MYO16: variants seen among roughly 807,000 people sequenced by gnomAD.
MYO16 encodes the protein myosin XVI.
A neutral mutation model predicts 205.3 loss-of-function variants in MYO16; 94 were observed. That is an observed-to-expected ratio of 0.46 (90% CI 0.39 to 0.54). The LOEUF is 0.54. Ranked by LOEUF, MYO16 falls within the 20% of genes least tolerant of loss-of-function variation. MYO16 has a pLI of 0.00. For missense variants in MYO16, 2,315 were observed against 2,387.5 expected (o/e 0.97, Z 0.63); for synonymous variants, 988 against 954.0 (o/e 1.04, Z -0.66).
chr13:109,133,043 G>A (rs1400319691), intron 31 of MYO16, among the ~76,000 whole-genome samples: 3 of 152,182 alleles, frequency 2.0e-5, no homozygotes, highest in Non-Finnish European at 4.4e-5. Flanking sequence ...AAAGATGGGG[G>A]CATGGAAGGC....
At chr13:108,882,309 T>C (rs1879653894) in intron 12 of MYO16, among the ~76,000 whole-genome samples, 1 of 152,200 alleles carries the variant, frequency 6.6e-6, no homozygotes, top group Non-Finnish European at 1.5e-5. Flanking sequence ...AGCTAGAGAT[T>C]CAGGCCAGCG....
the MYO16 span, among the ~76,000 whole-genome samples, chr13:108,504,279 G>T: frequency 6.6e-6 from 1 of 151,854 alleles, no homozygotes; most frequent in Admixed American, 6.6e-5. Context: ...ATGCTACCAT[G>T]CCCAGCTAAT....
chr13:109,191,440 A>G (rs186155976), intron 34 of MYO16, among the ~76,000 whole-genome samples: 49 of 152,272 alleles, frequency 3.2e-4, no homozygotes, highest in African/African-American at 1.0e-3. Context: ...GAAAAAAGAA[A>G]ACGTTCAACA....
At chr13:109,138,811 A>T (rs1282265287) in intron 31 of MYO16, among the ~76,000 whole-genome samples, 7 of 151,658 alleles carry the variant, frequency 4.6e-5, no homozygotes, top group Admixed American at 6.6e-5. Flanking sequence ...AATTTAATTT[A>T]ATTTATTTAT....
At position 108,785,648 on chromosome 13, in the gene MYO16, TC is replaced by T; in HGVS notation, c.523del (p.Leu175PhefsTer5). On this transcript the variant is annotated frameshift_variant, in exon 5 of 35. Transcript: ENST00000457511. LOFTEE classifies it high-confidence loss of function. The part of the protein sequence containing the change: ...VLLLVLAGAN[V>X]LLQDVNGNIP... ...CTTTTTATCTAGGCTGGAGCCAATGTCCTTCTCCAGGATGTGAATGGAAATA... is the reference window on the plus strand; with the variant it reads ...CTTTTTATCTAGGCTGGAGCCAATGTCTTCTCCAGGATGTGAATGGAAATA... 1 of 1,609,364 alleles carries T rather than the reference TC, an allele frequency of 6.2e-7. No homozygotes were observed. The highest frequency in any genetic ancestry group is 8.5e-7 in the Non-Finnish European group (1 of 1,178,092).
At chr13:109,145,523 T>G (rs1216313015) in intron 32 of MYO16, among the ~76,000 whole-genome samples, 1 of 152,234 alleles carries the variant, frequency 6.6e-6, no homozygotes. Context: ...TGGGATACAG[T>G]GTCTAGGCTA....
At chr13:108,654,561 A>G (rs1005324437) in intron 1 of MYO16, among the ~76,000 whole-genome samples, 1 of 152,210 alleles carries the variant, frequency 6.6e-6, no homozygotes, top group Non-Finnish European at 1.5e-5. Flanking sequence ...TGGTATCAGT[A>G]GAGTGGGGTG....
the MYO16 span, among the ~76,000 whole-genome samples, chr13:108,584,548 C>T: frequency 6.6e-6 from 1 of 152,046 alleles, no homozygotes; most frequent in African/African-American, 2.4e-5. Context: ...CCCTACTGTG[C>T]TATAGAACAC....
rs922801200 is a variant in MYO16 at position 109,055,303 on chromosome 13, C to A, written c.3130-87C>A. The A allele has an allele frequency of 8.7e-7, 1 of 1,144,070 alleles. No homozygotes were observed. Among genetic ancestry groups the A allele is most frequent in the Non-Finnish European group, 1.2e-6 (1 of 800,192 alleles). The allele number at this position is 1,144,070 out of a possible 1,614,324, so 70.9% of individuals were successfully genotyped here. ...GTAAATGCATAATGAGATTTAAAGA[C>A]GTAAAGACTTTTTATTTAAAAACTG... On this transcript the variant is annotated intron_variant, in intron 26 of 34. Transcript: ENST00000457511. This position sits in a 1 kb window ranked among gnomAD's most constrained non-coding sequence, Gnocchi z 5.0.
At chr13:108,558,168 G>A in the MYO16 span, among the ~76,000 whole-genome samples, 12 of 152,176 alleles carry the variant, frequency 7.9e-5, no homozygotes, top group Non-Finnish European at 1.2e-4. Context: ...AGATAAAGGT[G>A]CCAGAGCTTC....
At chr13:108,983,804 T>C (rs1884534168) in intron 20 of MYO16, among the ~76,000 whole-genome samples, 1 of 152,150 alleles carries the variant, frequency 6.6e-6, no homozygotes, top group Non-Finnish European at 1.5e-5. Context: ...AATTGACAGG[T>C]TGAAATTGTG....
At chr13:108,721,241 C>G (rs114213218) in intron 3 of MYO16, among the ~76,000 whole-genome samples, 5,373 of 152,282 alleles carry the variant, frequency 0.035, 286 homozygotes, top group African/African-American at 0.12. Context: ...AAGCTTTGGA[C>G]AACCTTTGAG....
chr13:109,060,450 C>A (rs1380256913), intron 27 of MYO16, among the ~76,000 whole-genome samples: 7 of 149,298 alleles, frequency 4.7e-5, no homozygotes, highest in Non-Finnish European at 8.9e-5. Flanking sequence ...CACATGGACA[C>A]AGGGAGGGGA....
At chr13:108,631,208 CA>C (rs1879965047) in intron 1 of MYO16, among the ~76,000 whole-genome samples, 1 of 152,146 alleles carries the variant, frequency 6.6e-6, no homozygotes, top group African/African-American at 2.4e-5. Context: ...TGTGCCTCTG[CA>C]GAGGAAAAAC....
intron 16 of MYO16, among the ~76,000 whole-genome samples, chr13:108,928,768 G>A (rs1030783920): frequency 2.0e-5 from 3 of 152,156 alleles, no homozygotes; most frequent in Non-Finnish European, 4.4e-5. Context: ...GTAAAATAAT[G>A]AGCAAAGATA....
intron 16 of MYO16, among the ~76,000 whole-genome samples, chr13:108,941,114 C>T (rs900110519): frequency 3.3e-5 from 5 of 152,132 alleles, no homozygotes; most frequent in East Asian, 1.9e-4. Context: ...GAAACAAAAA[C>T]GAGTGAGACA....
intron 24 of MYO16, among the ~76,000 whole-genome samples, chr13:109,050,865 CTTT>C (rs79977044): frequency 4.9e-5 from 7 of 144,260 alleles, no homozygotes; most frequent in Non-Finnish European, 9.1e-5. Flanking sequence ...AGTCTCTTGA[CTTT>C]TTTTTTTTTT....
chr13:108,910,531 A>G (rs963246145), intron 16 of MYO16, among the ~76,000 whole-genome samples: 4 of 152,226 alleles, frequency 2.6e-5, no homozygotes, highest in Non-Finnish European at 5.9e-5. Flanking sequence ...ATGAAGGTAC[A>G]TCATGGATTA....
intron 2 of MYO16, among the ~76,000 whole-genome samples, chr13:108,681,834 C>T (rs1037099446): frequency 6.6e-6 from 1 of 152,184 alleles, no homozygotes; most frequent in African/African-American, 2.4e-5. Context: ...GACTCTTTAT[C>T]CGTATAACTA....
Sources: gnomAD v4.1 joint callset for allele counts (sites outside exome capture counted in the v4.1 genomes callset) on GRCh38, gnomAD v4.1.1 for gene constraint, Gnocchi (gnomAD v3.1) non-coding constraint, MANE v1.5 for transcripts, NCBI Gene and HGNC (gene_info 2026-07-23, HGNC 2026-07-21) for gene names.